APOC1: variants seen among roughly 807,000 people sequenced by gnomAD.
APOC1 encodes the protein apolipoprotein C1, also known as apolipoprotein C-I.
A neutral mutation model predicts 6.7 loss-of-function variants in APOC1; 4 were observed. That is an observed-to-expected ratio of 0.60 (90% confidence interval 0.29 to 1.37). The LOEUF (loss-of-function observed/expected upper bound fraction) is 1.37. Among genes scored for constraint, APOC1 ranks in the 40% most tolerant of loss-of-function variants. The pLI is 0.09. For synonymous variants in APOC1, 33 were observed against 40.6 expected (o/e 0.81, Z 0.72); for missense variants, 122 against 99.4 (o/e 1.23, Z -0.97).
chr19:44,916,508 C>A (rs1970012469), intron 3 of APOC1, 183 bp downstream of exon 3: 5 of 768,034 alleles, frequency 6.5e-6, no homozygotes, highest in African/African-American at 3.6e-5. Flanking sequence ...TGACTCCCAT[C>A]CAGGCCATAT....
At chr19:44,916,101 C>T (rs1020148851) in intron 2 of APOC1, 89 bp from the exon 3 acceptor site, 3 of 1,387,358 alleles carry the variant, frequency 2.2e-6, no homozygotes, top group African/African-American at 1.7e-5. Context: ...CATGCCACTG[C>T]ACTCCAGCTT....
chr19:44,916,137 CA>C (rs376127005), intron 2 of APOC1, 52 bp from the exon 3 acceptor site: 35,711 of 890,808 alleles, frequency 0.04, 29 homozygotes, highest in Admixed American at 0.13. Context: ...ACTCCATCTC[CA>C]AAAAAAAAAA....
intron 3 of APOC1, among the ~76,000 whole-genome samples, chr19:44,918,454 C>T (rs768370982): frequency 2.7e-5 from 4 of 149,076 alleles, no homozygotes; most frequent in Admixed American, 6.7e-5. Flanking sequence ...TTCCGCCTCC[C>T]GGGTTCATGC....
At chr19:44,918,816 C>T (rs1423011716) in intron 3 of APOC1, 2 of 241,956 alleles carry the variant, frequency 8.3e-6, no homozygotes, top group South Asian at 7.6e-5. Flanking sequence ...TGTGACACCA[C>T]ACATGGTATT....
In APOC1 at chr19:44,915,305, C is replaced by T. The variant is rs568979138; in HGVS notation, c.58+356C>T. ...AGCCCCACCAGGTCACTCCAGTATT[C>T]CTCCCCATTCTTTTTTTTTTTTTTT... On this transcript the variant is annotated intron_variant, in intron 2 of 3. Transcript: ENST00000592535. The T allele has an allele frequency of 2.7e-3, 563 of 206,748 alleles. 4 individuals are homozygous for T. The highest frequency in any genetic ancestry group is 0.012 in the African/African-American group (528 of 43,034). The allele number at this position is 206,748 out of a possible 1,614,324, so 12.8% of individuals were successfully genotyped here.
At chr19:44,918,264 T>C (rs1412655000) in intron 3 of APOC1, among the ~76,000 whole-genome samples, 2 of 137,710 alleles carry the variant, frequency 1.5e-5, no homozygotes, top group African/African-American at 5.3e-5. Context: ...CGAAACTCCA[T>C]CTCAAAAAAA....
At chr19:44,916,821 A>C (rs1036447110) in intron 3 of APOC1, among the ~76,000 whole-genome samples, 5 of 139,778 alleles carry the variant, frequency 3.6e-5, no homozygotes, top group South Asian at 4.4e-4. Context: ...AAAAAAAAAA[A>C]AAAAAAAAAA....
chr19:44,916,543 C>T, intron 3 of APOC1: 1 of 621,570 alleles, frequency 1.6e-6, no homozygotes, highest in South Asian at 2.3e-5. Context: ...TTGGGCTGGG[C>T]ACGGTGGCTC....
At position 44,916,267 on chromosome 19, in the gene APOC1, G is replaced by C; in HGVS notation, c.136G>C (p.Asp46His). Residue 46 changes from aspartate (D) to histidine (H), a missense_variant, in exon 3 of 4, where the codon GAC (aspartate) becomes CAC (histidine). Transcript: ENST00000592535. ...KLKEFGNTLE[D>H]KARELISRIK... The stretch of plus-strand genomic sequence containing the variant: ...GAAGGAGTTTGGAAACACACTGGAG[G>C]ACAAGGCTCGGGAACTCATCAGCCG... 1 of 1,613,956 alleles carries C rather than the reference G, an allele frequency of 6.2e-7. No homozygotes were observed. The highest frequency in any genetic ancestry group is 8.5e-7 in the Non-Finnish European group (1 of 1,180,018).
upstream of APOC1, chr19:44,914,534 C>G (rs1969968694): frequency 1.1e-5 from 3 of 266,614 alleles, no homozygotes; most frequent in Non-Finnish European, 7.3e-6. Flanking sequence ...AAGGGAAGTG[C>G]CCGGGACCCC....
chr19:44,916,329 A>G lies in APOC1; in HGVS notation c.194+4A>G. 6.2e-7 allele frequency: 1 copy of G among 1,613,716 alleles called. No individual in the cohort carries two copies. The highest frequency in any genetic ancestry group is 8.5e-7 in the Non-Finnish European group (1 of 1,179,958). On this transcript the variant is annotated splice_donor_region_variant and intron_variant, in intron 3 of 3. Transcript: ENST00000592535. ...GTGAACTTTCTGCCAAGATGCGGTT[A>G]GAACCCTTCCCAGGGCACGGGAGAG...
At chr19:44,916,149 A>AAAAAC (rs1568622131) in intron 2 of APOC1, 41 bp from the exon 3 acceptor site, 2 of 1,513,740 alleles carry the variant, frequency 1.3e-6, no homozygotes, top group East Asian at 4.8e-5. Flanking sequence ...AAAAAAAAAA[A>AAAAAC]AAAAAAACAA....
At chr19:44,914,604 A>G (rs1354483454), upstream of APOC1, 1 of 443,320 alleles carries the variant, frequency 2.3e-6, no homozygotes, top group Non-Finnish European at 4.1e-6. Flanking sequence ...GGACAGAGGG[A>G]GGCAGGCGGT....
intron 2 of APOC1, 58 bp downstream of exon 2, chr19:44,915,007 C>G: frequency 6.6e-7 from 1 of 1,519,852 alleles, no homozygotes; most frequent in Non-Finnish European, 9.1e-7. Flanking sequence ...AAGGTGGCTA[C>G]AGGCCTGGGG....
At chr19:44,917,395 G>A (rs377013492) in intron 3 of APOC1, among the ~76,000 whole-genome samples, 10 of 152,008 alleles carry the variant, frequency 6.6e-5, no homozygotes, top group East Asian at 1.9e-4. Flanking sequence ...TCAGGAGTGC[G>A]AGAACCCCGT....
intron 3 of APOC1, among the ~76,000 whole-genome samples, chr19:44,917,365 G>A (rs1970027811): frequency 6.6e-6 from 1 of 152,188 alleles, no homozygotes; most frequent in Non-Finnish European, 1.5e-5. Context: ...GGAAGGCCGA[G>A]GTGGGTGGAT....
At chr19:44,919,086 A>T in intron 3 of APOC1, 87 bp from the exon 4 acceptor site, 1 of 1,136,044 alleles carries the variant, frequency 8.8e-7, no homozygotes, top group Non-Finnish European at 1.3e-6. Flanking sequence ...TGCAAGGGGA[A>T]GAGGTGGGAG....
At chr19:44,914,533 GC>G, upstream of APOC1, 1 of 268,788 alleles carries the variant, frequency 3.7e-6, no homozygotes, top group Non-Finnish European at 7.3e-6. Flanking sequence ...TAAGGGAAGT[GC>G]CCGGGACCCC....
Position 44,916,191 on chromosome 19 carries a change from C to T in APOC1, c.60C>T (p.Gly20=). Residue 20 remains glycine (G), a splice_region_variant and synonymous_variant, in exon 3 of 4, where the codon GGC becomes GGT. Transcript: ENST00000592535. ...LVVVLSIVLE[G]PAPAQGTPDV... is the part of the protein sequence containing the mutation. ...AACCCCTGCCCATCTTCCTGGCAGG[C>T]CCAGCCCCAGCCCAGGGGACCCCAG... is the stretch of plus-strand genomic sequence containing the variant. 1 of 1,573,828 alleles carries T rather than the reference C, an allele frequency of 6.4e-7. No homozygotes were observed.
Sources: allele counts gnomAD v4.1 joint callset (sites outside exome capture counted in the v4.1 genomes callset), GRCh38; gene constraint gnomAD v4.1.1; transcripts MANE v1.5; gene names NCBI Gene and HGNC (gene_info 2026-07-23, HGNC 2026-07-21).